ANK2: variants seen among roughly 807,000 people sequenced by gnomAD.
The protein encoded by ANK2 is ankyrin 2, also known as ankyrin-2.
A neutral mutation model predicts 360.5 loss-of-function variants in ANK2; 83 were observed. The observed-to-expected ratio is 0.23, with a 90% CI of 0.19 to 0.28. The LOEUF (loss-of-function observed/expected upper bound fraction) is 0.28, where lower values mean the gene tolerates loss of function less well. Ranked by LOEUF, ANK2 falls within the 10% of genes least tolerant of loss-of-function variation. ANK2 has a pLI of 1.00. For synonymous variants in ANK2, 1,740 were observed against 1,759.5 expected (o/e 0.99, Z 0.28); for missense variants, 4,201 against 4,795.7 (o/e 0.88, Z 3.66).
intron 1 of ANK2, among the ~76,000 whole-genome samples, chr4:112,851,036 G>A (rs544259822): frequency 4.6e-5 from 7 of 152,246 alleles, no homozygotes; most frequent in African/African-American, 1.4e-4. Context: ...CCAATAAATA[G>A]CACTCGTCCT....
intron 1 of ANK2, among the ~76,000 whole-genome samples, chr4:113,140,305 C>T (rs984745458): frequency 1.3e-5 from 2 of 152,072 alleles, no homozygotes; most frequent in South Asian, 2.1e-4. Context: ...ATTAGATAAA[C>T]GCATTTGAGT....
At chr4:113,341,584 CA>C in intron 32 of ANK2, 103 bp from the exon 33 acceptor site, 1 of 1,213,914 alleles carries the variant, frequency 8.2e-7, no homozygotes, top group Non-Finnish European at 1.2e-6. Context: ...TCCTTTTTTC[CA>C]AGAAGCATTT....
rs752801571 is a variant in ANK2 at position 113,255,727 on chromosome 4, A to T, written c.991-8A>T. ...AAGGACATTATTTTGTTTTCTTTTA[A>T]TGTGCAGAATGGGCTGTCTCCACTA... On this transcript the variant is annotated splice_region_variant and splice_polypyrimidine_tract_variant and intron_variant, in intron 10 of 45. Coordinates refer to ENST00000357077, the MANE Select transcript of ANK2 (RefSeq NM_001148.6). 6.2e-7 allele frequency: 1 copy of T among 1,614,044 alleles called. No individual in the cohort carries two copies.
intron 1 of ANK2, among the ~76,000 whole-genome samples, chr4:112,854,881 G>A (rs2065955185): frequency 2.0e-5 from 3 of 152,122 alleles, no homozygotes; most frequent in African/African-American, 7.2e-5. Flanking sequence ...GAATGGGAGG[G>A]AGGGTGGTAT....
At chr4:113,079,488 G>T (rs1451785984) in intron 1 of ANK2, among the ~76,000 whole-genome samples, 1 of 152,086 alleles carries the variant, frequency 6.6e-6, no homozygotes, top group Non-Finnish European at 1.5e-5. Context: ...TTGTTTTCAT[G>T]TTTGGTTTTC....
intron 2 of ANK2, among the ~76,000 whole-genome samples, chr4:113,023,015 G>A (rs2058500111): frequency 6.6e-6 from 1 of 152,098 alleles, no homozygotes; most frequent in South Asian, 2.1e-4. Context: ...AATAGCTAAT[G>A]CATGTGGGAC....
chr4:113,057,487 A>G (rs1284981719), intron 1 of ANK2, among the ~76,000 whole-genome samples: 2 of 152,132 alleles, frequency 1.3e-5, no homozygotes, highest in African/African-American at 4.8e-5. Flanking sequence ...CAGAGCCATA[A>G]CCATTGTGAG....
At chr4:113,208,922 A>C (rs1449658959) in intron 4 of ANK2, among the ~76,000 whole-genome samples, 2 of 151,990 alleles carry the variant, frequency 1.3e-5, no homozygotes, top group Admixed American at 1.3e-4. Flanking sequence ...ATGGTTATTA[A>C]AGCAGTGGAC....
intron 2 of ANK2, among the ~76,000 whole-genome samples, chr4:113,041,822 A>G (rs2063034517): frequency 6.6e-6 from 1 of 152,134 alleles, no homozygotes; most frequent in African/African-American, 2.4e-5. Context: ...GCCCAGGTCC[A>G]CTTTCTGGTT....
At chr4:113,007,203 G>T (rs978945785) in intron 2 of ANK2, among the ~76,000 whole-genome samples, 7 of 152,106 alleles carry the variant, frequency 4.6e-5, no homozygotes, top group Non-Finnish European at 8.8e-5. Flanking sequence ...GAAGCTGCCC[G>T]ATTTGAGTAT....
At chr4:113,271,757 C>T (rs913095803) in intron 14 of ANK2, among the ~76,000 whole-genome samples, 4 of 152,176 alleles carry the variant, frequency 2.6e-5, no homozygotes, top group Admixed American at 6.5e-5. Flanking sequence ...TTAAAGTTCA[C>T]GCAGAACACT....
intron 14 of ANK2, among the ~76,000 whole-genome samples, chr4:113,273,109 C>T (rs182228189): frequency 1.2e-3 from 187 of 152,230 alleles, no homozygotes; most frequent in South Asian, 9.3e-3. Context: ...CTGTTAGTGG[C>T]CATCTTATTG....
chr4:112,930,279 TA>T (rs577751062), intron 2 of ANK2, among the ~76,000 whole-genome samples: 4 of 151,148 alleles, frequency 2.6e-5, no homozygotes, highest in Non-Finnish European at 3.0e-5. Context: ...ACCCAGTCTC[TA>T]AAAAAAATAC....
chr4:112,763,123 C>G, the ANK2 span, among the ~76,000 whole-genome samples: 3 of 152,008 alleles, frequency 2.0e-5, no homozygotes. Flanking sequence ...GGGCTGGGCG[C>G]GGTGGGCTCA....
At chr4:113,051,572 G>A (rs1437362572) in intron 1 of ANK2, among the ~76,000 whole-genome samples, 1 of 152,128 alleles carries the variant, frequency 6.6e-6, no homozygotes, top group Admixed American at 6.5e-5. Context: ...CATGAATATT[G>A]AGTGTTAAAA....
chr4:113,114,801 G>A (rs1395432500), intron 1 of ANK2, among the ~76,000 whole-genome samples: 3 of 152,118 alleles, frequency 2.0e-5, no homozygotes, highest in Non-Finnish European at 4.4e-5. Context: ...AAGAGGAGAG[G>A]ATATTTTGAT....
At chr4:112,845,808 T>C (rs1025916147) in intron 1 of ANK2, among the ~76,000 whole-genome samples, 12 of 152,362 alleles carry the variant, frequency 7.9e-5, no homozygotes, top group African/African-American at 2.6e-4. Flanking sequence ...CTCAAGTTAT[T>C]TTTAAATGTT....
chr4:112,928,238 G>A (rs1251914469), intron 2 of ANK2, among the ~76,000 whole-genome samples: 1 of 152,080 alleles, frequency 6.6e-6, no homozygotes, highest in Non-Finnish European at 1.5e-5. Flanking sequence ...TCGCTTTGAA[G>A]TAATTATACT....
intron 1 of ANK2, among the ~76,000 whole-genome samples, chr4:113,157,799 G>A (rs13107246): frequency 0.69 from 104,224 of 152,052 alleles, 36,275 homozygotes; most frequent in African/African-American, 0.8. Context: ...CTCTATGGTA[G>A]GACTTACCAG....
Sources: allele counts gnomAD v4.1 joint callset (sites outside exome capture counted in the v4.1 genomes callset), GRCh38; gene constraint gnomAD v4.1.1; transcripts MANE v1.5; gene names NCBI Gene and HGNC (gene_info 2026-07-23, HGNC 2026-07-21).